PTPRZ1: variants seen among roughly 807,000 people sequenced by gnomAD.
PTPRZ1 encodes the protein receptor-type tyrosine-protein phosphatase zeta.
Under a neutral mutation model 214.1 loss-of-function variants are expected in PTPRZ1, and 82 were observed. That is an observed-to-expected ratio of 0.38 (90% confidence interval 0.32 to 0.46). The LOEUF is 0.46. Ranked by LOEUF, PTPRZ1 falls within the 20% of genes least tolerant of loss-of-function variation. PTPRZ1 has a pLI of 1.00. For missense variants in PTPRZ1, 2,603 were observed against 2,748.7 expected (o/e 0.95, Z 1.19); for synonymous variants, 945 against 987.9 (o/e 0.96, Z 0.81).
In PTPRZ1 at chr7:121,873,451, T is replaced by C. The variant is rs764456636; in HGVS notation, c.-49T>C. ...TCCTTCGCTCCCCCTCCCTCTCCACTCTGAGAAGCAGAGGAGCCGCACGGC... is the reference window on the plus strand; with the variant it reads ...TCCTTCGCTCCCCCTCCCTCTCCACCCTGAGAAGCAGAGGAGCCGCACGGC... On this transcript the variant is annotated 5_prime_UTR_variant, in exon 1 of 30. Coordinates refer to ENST00000393386, the MANE Select transcript of PTPRZ1 (RefSeq NM_002851.3). 4 of 1,596,994 alleles carry C rather than the reference T, an allele frequency of 2.5e-6. No homozygotes were observed. The highest frequency in any genetic ancestry group is 1.3e-5 in the African/African-American group (1 of 74,466).
chr7:122,016,365 T>C (rs886540483), intron 12 of PTPRZ1, among the ~76,000 whole-genome samples: 1 of 152,080 alleles, frequency 6.6e-6, no homozygotes, highest in Non-Finnish European at 1.5e-5. Flanking sequence ...AACTCATATA[T>C]ACTACTGAGC....
At chr7:121,913,820 A>C (rs1795344276) in intron 1 of PTPRZ1, among the ~76,000 whole-genome samples, 2 of 152,122 alleles carry the variant, frequency 1.3e-5, no homozygotes, top group Admixed American at 1.3e-4. Flanking sequence ...CAACCAAAAG[A>C]ATTCTCAACT....
chr7:121,947,045 A>G (rs565209164), intron 2 of PTPRZ1, among the ~76,000 whole-genome samples: 82 of 152,266 alleles, frequency 5.4e-4, no homozygotes, highest in African/African-American at 1.9e-3. Flanking sequence ...CAATATCTGA[A>G]CGAAGCATAA....
chr7:121,981,807 C>T (rs988758551), intron 6 of PTPRZ1, among the ~76,000 whole-genome samples: 2 of 151,944 alleles, frequency 1.3e-5, no homozygotes, highest in Admixed American at 6.5e-5. Context: ...CACACACAAA[C>T]ACATCTGTGT....
chr7:122,025,148 G>GC (rs1048819723), intron 13 of PTPRZ1, among the ~76,000 whole-genome samples: 10 of 151,862 alleles, frequency 6.6e-5, no homozygotes, highest in African/African-American at 2.4e-4. Context: ...AAGAGATACG[G>GC]CCCCATCTTT....
rs753004069 is a variant in PTPRZ1 at position 122,013,838 on chromosome 7, ACAT to A, written c.4797_4799del (p.Ser1600del). ...AACTCCTGGATTCCCACAGTCCCCA[ACAT>A]CATCTGTTACTAGCGAGAACTCAGA... On this transcript the variant is annotated inframe_deletion, in exon 12 of 30. Coordinates refer to ENST00000393386, the MANE Select transcript of PTPRZ1 (RefSeq NM_002851.3). 20 of 1,613,830 alleles carry A rather than the reference ACAT, an allele frequency of 1.2e-5. No individual in the cohort carries two copies. In the South Asian group the frequency reaches 2.2e-4, roughly 18 times the overall value.
chr7:121,938,664 G>A (rs1022440703), intron 2 of PTPRZ1, among the ~76,000 whole-genome samples: 4 of 151,882 alleles, frequency 2.6e-5, no homozygotes, highest in East Asian at 1.9e-4. Flanking sequence ...GCTTTCAAAA[G>A]GATTGATATA....
At chr7:121,906,475 T>C (rs962606955) in intron 1 of PTPRZ1, among the ~76,000 whole-genome samples, 1 of 152,214 alleles carries the variant, frequency 6.6e-6, no homozygotes, top group African/African-American at 2.4e-5. Context: ...TTTGTTTGAT[T>C]GTATCAATTT....
In PTPRZ1 at chr7:121,877,658, A is replaced by T. The variant is rs116122747; in HGVS notation, c.58+4101A>T. Among the ~76,000 whole-genome samples the T allele has an allele frequency of 4.0e-3, 607 of 152,300 alleles. 4 individuals are homozygous for T. Among genetic ancestry groups the T allele is most frequent in the African/African-American group, 0.014 (565 of 41,570 alleles). ...GCTGATAATTCAGCTATGCATCAACATACAGAGACTTAAACTCATGATGCT... is the reference window on the plus strand; with the variant it reads ...GCTGATAATTCAGCTATGCATCAACTTACAGAGACTTAAACTCATGATGCT... On this transcript the variant is annotated intron_variant, in intron 1 of 29. Transcript: ENST00000393386.
intron 10 of PTPRZ1, among the ~76,000 whole-genome samples, chr7:122,001,667 T>C (rs1798329231): frequency 6.6e-6 from 1 of 152,232 alleles, no homozygotes; most frequent in Admixed American, 6.5e-5. Context: ...AACAATTAAA[T>C]AAGCCTTGCT....
At chr7:122,035,183 A>G (rs1430358803) in intron 17 of PTPRZ1, among the ~76,000 whole-genome samples, 2 of 152,168 alleles carry the variant, frequency 1.3e-5, no homozygotes, top group Non-Finnish European at 2.9e-5. Context: ...CAACGAGGTT[A>G]TTTAAATTCT....
intron 11 of PTPRZ1, 51 bp downstream of exon 11, chr7:122,004,711 T>C: frequency 2.8e-6 from 3 of 1,068,110 alleles, no homozygotes; most frequent in South Asian, 1.5e-5. Context: ...ATGGTCTATT[T>C]TGAATTGTTG....
chr7:121,936,678 A>G (rs769877683), intron 2 of PTPRZ1, among the ~76,000 whole-genome samples: 6 of 152,110 alleles, frequency 3.9e-5, no homozygotes, highest in Non-Finnish European at 7.3e-5. Context: ...TTGGTTATAG[A>G]TTACAGAAGC....
intron 18 of PTPRZ1, 63 bp from the exon 19 acceptor site, chr7:122,038,692 T>C (rs1799624229): frequency 4.0e-6 from 6 of 1,508,094 alleles, no homozygotes; most frequent in Non-Finnish European, 5.4e-6. Context: ...AACTTAGGCA[T>C]TGTACAGTTA....
Position 122,013,632 on chromosome 7 carries a change from C to T in PTPRZ1, c.4586C>T (p.Ala1529Val). ...GAAAATGACATTCAGACTGGTAGTG[C>T]TCTGCTTCCTCTCAGCCCTGAATCT... ...KEENDIQTGS[A>V]LLPLSPESKA... Residue 1529 changes from alanine to valine, a missense_variant, in exon 12 of 30, where the codon GCT becomes GTT. Coordinates refer to ENST00000393386, the MANE Select transcript of PTPRZ1 (RefSeq NM_002851.3). The T allele has an allele frequency of 1.9e-6, 3 of 1,614,206 alleles. No homozygotes were observed. Among genetic ancestry groups the T allele is most frequent in the Non-Finnish European group, 2.5e-6 (3 of 1,180,032 alleles).
chr7:121,928,960 T>G (rs1795845491), intron 2 of PTPRZ1, among the ~76,000 whole-genome samples: 1 of 152,212 alleles, frequency 6.6e-6, no homozygotes, highest in Non-Finnish European at 1.5e-5. Context: ...TCATTAGCAG[T>G]AAACTTGGGT....
Position 121,897,057 on chromosome 7 carries a change from TTAA to T in PTPRZ1, c.58+23507_58+23509del, listed in dbSNP as rs569738402. Among the ~76,000 whole-genome samples, 479 of 152,334 alleles carry T rather than the reference TTAA, an allele frequency of 3.1e-3. 1 individual carries two copies. The highest frequency in any genetic ancestry group is 0.01 in the African/African-American group (422 of 41,576). On this transcript the variant is annotated intron_variant, in intron 1 of 29. Coordinates refer to ENST00000393386, the MANE Select transcript of PTPRZ1 (RefSeq NM_002851.3). ...ACTAGCTTGGTTTGTATTGTCCTTA[TTAA>T]TAATAACCATTTCTCAAGACAATCA... is the stretch of plus-strand genomic sequence containing the variant.
At chr7:121,917,990 T>C (rs1584636491) in intron 1 of PTPRZ1, among the ~76,000 whole-genome samples, 1 of 152,012 alleles carries the variant, frequency 6.6e-6, no homozygotes, top group African/African-American at 2.4e-5. Context: ...AAATTATCAA[T>C]TTATTATAGT....
intron 1 of PTPRZ1, among the ~76,000 whole-genome samples, chr7:121,904,203 C>T (rs1031960783): frequency 6.6e-6 from 1 of 152,124 alleles, no homozygotes; most frequent in African/African-American, 2.4e-5. Context: ...ACCTCCAGTT[C>T]CTCCAAGTAG....
Sources: gnomAD v4.1 joint callset for allele counts (sites outside exome capture counted in the v4.1 genomes callset) on GRCh38, gnomAD v4.1.1 for gene constraint, MANE v1.5 for transcripts, NCBI Gene and HGNC (gene_info 2026-07-23, HGNC 2026-07-21) for gene names.